SBF2: variants seen among roughly 807,000 people sequenced by gnomAD.
The protein encoded by SBF2 is SET binding factor 2.
In SBF2, 112 loss-of-function variants were observed where a neutral mutation model predicts 225.2. That is an observed-to-expected ratio of 0.50 (90% CI 0.43 to 0.58). The LOEUF (loss-of-function observed/expected upper bound fraction) is 0.58. SBF2 is among the 20% of genes least tolerant of loss of function. The pLI, the probability that SBF2 is intolerant of heterozygous loss-of-function variation, is 0.00. For missense variants in SBF2, 1,996 were observed against 2,206.2 expected, an observed-to-expected ratio of 0.90 and a Z score of 1.91; for synonymous variants, 763 against 773.3, an observed-to-expected ratio of 0.99 and a Z score of 0.22.
chr11:10,230,940 G>C (rs965913967), intron 1 of SBF2, among the ~76,000 whole-genome samples: 99 of 152,236 alleles, frequency 6.5e-4, no homozygotes, highest in African/African-American at 2.2e-3. Flanking sequence ...GTCACTTTCA[G>C]GTACACCAAT....
chr11:9,889,288 CAG>C (rs1460458541), intron 17 of SBF2, among the ~76,000 whole-genome samples: 4 of 152,154 alleles, frequency 2.6e-5, no homozygotes, highest in Non-Finnish European at 5.9e-5. Context: ...ACAAATGACA[CAG>C]ATTACTTTTT....
At chr11:10,070,531 T>C (rs1950822443) in intron 2 of SBF2, among the ~76,000 whole-genome samples, 2 of 152,248 alleles carry the variant, frequency 1.3e-5, no homozygotes, top group African/African-American at 4.8e-5. Context: ...TGTGGTTTGG[T>C]ACCAGCACCA....
intron 26 of SBF2, among the ~76,000 whole-genome samples, chr11:9,833,916 A>G (rs1257185252): frequency 6.6e-6 from 1 of 150,984 alleles, no homozygotes; most frequent in Non-Finnish European, 1.5e-5. Context: ...GATTACAGGC[A>G]TGTGCCACCA....
At chr11:10,165,652 C>G (rs1955917456) in intron 2 of SBF2, among the ~76,000 whole-genome samples, 1 of 152,162 alleles carries the variant, frequency 6.6e-6, no homozygotes. Context: ...GTCACTTCAA[C>G]TAGATAGTAT....
At chr11:9,876,800 G>A (rs1347733498) in intron 17 of SBF2, among the ~76,000 whole-genome samples, 1 of 152,008 alleles carries the variant, frequency 6.6e-6, no homozygotes, top group Non-Finnish European at 1.5e-5. Context: ...AGTGCAGTGG[G>A]GCAATCTCGG....
chr11:9,861,620 C>T lies in SBF2; in HGVS notation c.1930-3224G>A, dbSNP rs183079793. Among the ~76,000 whole-genome samples, 207 of 149,472 alleles carry T rather than the reference C, an allele frequency of 1.4e-3. 1 individual carries two copies. The highest frequency in any genetic ancestry group is 4.8e-3 in the African/African-American group (193 of 40,626). ...TGGAGGTTGCAGTGAGCTGAGATCG[C>T]GCCACTGTACTCCAGCCTAGGCAAC... is the stretch of plus-strand genomic sequence containing the variant. On this transcript the variant is annotated intron_variant, in intron 17 of 39. Transcript: ENST00000256190.
intron 2 of SBF2, among the ~76,000 whole-genome samples, chr11:10,161,817 AAT>A (rs1565301322): frequency 1.5e-5 from 2 of 133,128 alleles, no homozygotes; most frequent in Non-Finnish European, 3.3e-5. Flanking sequence ...AAAAAAAAAT[AAT>A]AATTAAAAAA....
intron 1 of SBF2, among the ~76,000 whole-genome samples, chr11:10,195,770 A>G (rs1485955281): frequency 6.6e-6 from 1 of 152,250 alleles, no homozygotes; most frequent in Non-Finnish European, 1.5e-5. Flanking sequence ...CATTTGAAAA[A>G]GACAAAATAA....
chr11:9,973,340 T>C (rs1946541957), intron 13 of SBF2, among the ~76,000 whole-genome samples: 1 of 152,242 alleles, frequency 6.6e-6, no homozygotes, highest in Non-Finnish European at 1.5e-5. Flanking sequence ...AAATCCGTTA[T>C]TTTCCGACAG....
intron 1 of SBF2, among the ~76,000 whole-genome samples, chr11:10,258,756 A>T (rs890212612): frequency 1.3e-5 from 2 of 152,232 alleles, no homozygotes; most frequent in African/African-American, 4.8e-5. Context: ...AATATAGCCC[A>T]TTCACTACAT....
At chr11:9,963,078 T>C (rs1404930110) in intron 15 of SBF2, among the ~76,000 whole-genome samples, 3 of 152,188 alleles carry the variant, frequency 2.0e-5, no homozygotes, top group African/African-American at 7.2e-5. Flanking sequence ...GAAAACATGC[T>C]CTAAGGAGGC....
At chr11:10,020,991 G>A (rs1652796788) in intron 6 of SBF2, among the ~76,000 whole-genome samples, 1 of 151,898 alleles carries the variant, frequency 6.6e-6, no homozygotes, top group South Asian at 2.1e-4. Context: ...TAAAAAACTG[G>A]CCAAAGTTAA....
At chr11:10,142,470 T>C (rs1189939613) in intron 2 of SBF2, among the ~76,000 whole-genome samples, 1 of 152,184 alleles carries the variant, frequency 6.6e-6, no homozygotes, top group African/African-American at 2.4e-5. Flanking sequence ...TTAGTTATAC[T>C]GGGGCAAAAC....
At chr11:10,082,799 G>T (rs900028447) in intron 2 of SBF2, among the ~76,000 whole-genome samples, 2 of 152,038 alleles carry the variant, frequency 1.3e-5, no homozygotes, top group African/African-American at 4.8e-5. Context: ...GGAAAAAGAT[G>T]AAAATATTTC....
Position 10,293,995 on chromosome 11 carries a change from G to T in SBF2, c.55+20C>A, listed in dbSNP as rs1964350468. Reference sequence around the variant, plus strand: ...CGGGGGGCGGGGAGGCCCGGGGGCGGTGCCGCCCCACACCCTTACCTGGCT... The same window carrying T: ...CGGGGGGCGGGGAGGCCCGGGGGCGTTGCCGCCCCACACCCTTACCTGGCT... On this transcript the variant is annotated intron_variant, in intron 1 of 39. Transcript: ENST00000256190. 1.5e-6 allele frequency: 2 copies of T among 1,356,392 alleles called. No individual in the cohort carries two copies. Among genetic ancestry groups the T allele is most frequent in the Admixed American group, 3.0e-5 (1 of 32,864 alleles). The allele number at this position is 1,356,392 out of a possible 1,614,324, so 84.0% of individuals were successfully genotyped here.
At chr11:9,889,075 T>A (rs1860579425) in intron 17 of SBF2, among the ~76,000 whole-genome samples, 1 of 152,200 alleles carries the variant, frequency 6.6e-6, no homozygotes, top group Non-Finnish European at 1.5e-5. Flanking sequence ...AAAACACAGA[T>A]TTTACTTTAC....
Position 9,850,252 on chromosome 11 carries a change from TTGAC to T in SBF2, c.2611-38_2611-35del, listed in dbSNP as rs768315213. On this transcript the variant is annotated intron_variant, in intron 21 of 39. Coordinates refer to ENST00000256190, the MANE Select transcript of SBF2 (RefSeq NM_030962.4). ...AGAAAAAGATTGATTGATTGATTGA[TTGAC>T]TAATTGATTGATTTTTGGAGACAGG... is the stretch of plus-strand genomic sequence containing the variant. 2.3e-4 allele frequency: 373 copies of T among 1,590,818 alleles called. 1 individual carries two copies. The African/African-American group carries it at 3.8e-3, about 16-fold the overall frequency.
At chr11:10,266,012 G>A (rs989486341) in intron 1 of SBF2, among the ~76,000 whole-genome samples, 3 of 152,156 alleles carry the variant, frequency 2.0e-5, no homozygotes, top group Non-Finnish European at 4.4e-5. Context: ...GAGCCATCAT[G>A]CCTGGCAGCC....
At chr11:10,263,265 T>TAA (rs1242196763) in intron 1 of SBF2, among the ~76,000 whole-genome samples, 1 of 152,064 alleles carries the variant, frequency 6.6e-6, no homozygotes, top group Admixed American at 6.5e-5. Context: ...GTTTTAATAA[T>TAA]AATTACACAT....
Sources: allele counts gnomAD v4.1 joint callset (sites outside exome capture counted in the v4.1 genomes callset), GRCh38; gene constraint gnomAD v4.1.1; transcripts MANE v1.5; gene names NCBI Gene and HGNC (gene_info 2026-07-23, HGNC 2026-07-21).